Variants in PTPRD observed in about 807,000 individuals in gnomAD.
PTPRD encodes the protein protein tyrosine phosphatase receptor type D.
A neutral mutation model predicts 214.5 loss-of-function variants in PTPRD; 34 were observed. The ratio of observed to expected loss-of-function variants is 0.16; its 90% CI spans 0.12 to 0.21. PTPRD has a LOEUF of 0.21. Among genes scored for constraint, PTPRD ranks in the 10% least tolerant of loss-of-function variants. PTPRD has a pLI of 1.00. For missense variants in PTPRD, 2,545 were observed against 2,398.7 expected (o/e 1.06, Z -1.27); for synonymous variants, 1,128 against 845.7 (o/e 1.33, Z -5.79).
At chr9:9,637,063 C>A (rs1254934524) in intron 7 of PTPRD, among the ~76,000 whole-genome samples, 2 of 152,148 alleles carry the variant, frequency 1.3e-5, no homozygotes, top group African/African-American at 2.4e-5. Flanking sequence ...ATAACACTCT[C>A]ATGATGTAAA....
intron 9 of PTPRD, among the ~76,000 whole-genome samples, chr9:9,324,363 C>A (rs569610151): frequency 6.6e-6 from 1 of 152,140 alleles, no homozygotes; most frequent in South Asian, 2.1e-4. Context: ...TGTTTCTTGA[C>A]TTTTTAATGA....
At chr9:8,874,360 T>TG (rs35071532) in intron 11 of PTPRD, among the ~76,000 whole-genome samples, 40,190 of 151,900 alleles carry the variant, frequency 0.26, 6,246 homozygotes, top group Non-Finnish European at 0.35. Context: ...TTGAACGGAC[T>TG]GTTTTTTTTG....
intron 9 of PTPRD, among the ~76,000 whole-genome samples, chr9:9,248,446 C>G (rs1305052448): frequency 6.6e-6 from 1 of 151,948 alleles, no homozygotes; most frequent in Non-Finnish European, 1.5e-5. Flanking sequence ...TTGTAATTAT[C>G]TTGGTAACAA....
intron 8 of PTPRD, among the ~76,000 whole-genome samples, chr9:9,530,036 A>T (rs1222719337): frequency 6.6e-6 from 1 of 152,172 alleles, no homozygotes; most frequent in Non-Finnish European, 1.5e-5. Flanking sequence ...TATAGCAGTA[A>T]GTACCTACAT....
chr9:8,777,298 T>C (rs1232954514), intron 11 of PTPRD, among the ~76,000 whole-genome samples: 1 of 152,170 alleles, frequency 6.6e-6, no homozygotes, highest in East Asian at 1.9e-4. Context: ...GAATGAAATT[T>C]AAACAGAGGT....
intron 10 of PTPRD, among the ~76,000 whole-genome samples, chr9:9,142,009 C>A (rs765807258): frequency 4.6e-5 from 7 of 152,144 alleles, no homozygotes; most frequent in South Asian, 2.1e-4. Flanking sequence ...ATCCTTATAG[C>A]GATTATCTTA....
intron 9 of PTPRD, among the ~76,000 whole-genome samples, chr9:9,340,127 T>C (rs1412881): frequency 0.18 from 28,085 of 151,940 alleles, 2,877 homozygotes; most frequent in East Asian, 0.34. Flanking sequence ...TAAGGCACTC[T>C]AGAAACCGCT....
At chr9:9,830,563 C>G (rs1488117962) in intron 5 of PTPRD, among the ~76,000 whole-genome samples, 2 of 151,980 alleles carry the variant, frequency 1.3e-5, no homozygotes, top group East Asian at 3.9e-4. Flanking sequence ...AAGTAGAGTT[C>G]ACTTCCAACT....
chr9:8,865,236 G>C (rs1441804467), intron 11 of PTPRD, among the ~76,000 whole-genome samples: 1 of 152,128 alleles, frequency 6.6e-6, no homozygotes, highest in East Asian at 1.9e-4. Context: ...GGCAGCATTT[G>C]CCAGTACAAC....
intron 19 of PTPRD, 60 bp downstream of exon 19, chr9:8,523,453 T>C: frequency 6.4e-7 from 1 of 1,568,220 alleles, no homozygotes; most frequent in South Asian, 1.1e-5. Flanking sequence ...ATTTGTATTC[T>C]TTGTTATTGG....
intron 11 of PTPRD, among the ~76,000 whole-genome samples, chr9:8,778,167 G>C (rs373045176): frequency 6.6e-6 from 1 of 152,194 alleles, no homozygotes; most frequent in South Asian, 2.1e-4. Context: ...ATGTATGTAT[G>C]TATTCTAATT....
intron 39 of PTPRD, among the ~76,000 whole-genome samples, chr9:8,353,558 G>A (rs140548888): frequency 0.033 from 5,022 of 151,942 alleles, 301 homozygotes; most frequent in African/African-American, 0.11. Flanking sequence ...TCAGCCTCCT[G>A]AGTAGCTGGG....
intron 34 of PTPRD, among the ~76,000 whole-genome samples, chr9:8,447,665 T>C (rs996199385): frequency 6.6e-6 from 1 of 152,276 alleles, no homozygotes; most frequent in Admixed American, 6.5e-5. Flanking sequence ...CGGAAACATT[T>C]TCTGTTGGTG....
At chr9:9,437,608 G>C (rs1430611200) in intron 8 of PTPRD, among the ~76,000 whole-genome samples, 2 of 152,054 alleles carry the variant, frequency 1.3e-5, no homozygotes, top group Non-Finnish European at 2.9e-5. Flanking sequence ...CACACTTCTT[G>C]GGATCAGCTG....
intron 5 of PTPRD, among the ~76,000 whole-genome samples, chr9:9,790,379 C>G (rs2761733): frequency 0.48 from 73,659 of 152,000 alleles, 19,144 homozygotes; most frequent in East Asian, 0.73. Flanking sequence ...CACTGTGTCA[C>G]CAGTTGGTTT....
intron 14 of PTPRD, among the ~76,000 whole-genome samples, chr9:8,578,216 T>C (rs952184327): frequency 6.6e-6 from 1 of 152,252 alleles, no homozygotes; most frequent in Non-Finnish European, 1.5e-5. Context: ...ATATTCACCA[T>C]GAAAAATGAA....
intron 2 of PTPRD, among the ~76,000 whole-genome samples, chr9:10,517,318 A>G (rs1289610871): frequency 6.6e-6 from 1 of 151,964 alleles, no homozygotes; most frequent in Non-Finnish European, 1.5e-5. Context: ...ATTATTTCTT[A>G]TAGGTGCTAT....
intron 12 of PTPRD, among the ~76,000 whole-genome samples, chr9:8,654,803 T>C (rs987066642): frequency 1.3e-5 from 2 of 152,188 alleles, no homozygotes; most frequent in African/African-American, 4.8e-5. Context: ...TTATTTATCC[T>C]TGGATTTTAG....
chr9:8,375,012 G>A (rs544289169), intron 39 of PTPRD, among the ~76,000 whole-genome samples: 7 of 151,826 alleles, frequency 4.6e-5, no homozygotes, highest in African/African-American at 1.2e-4. Context: ...AGTGATTTAC[G>A]ATAGATGCTT....
Sources: allele counts gnomAD v4.1 joint callset (sites outside exome capture counted in the v4.1 genomes callset), GRCh38; gene constraint gnomAD v4.1.1; transcripts MANE v1.5; gene names NCBI Gene and HGNC (gene_info 2026-07-23, HGNC 2026-07-21).